Variants in KCND2 observed in about 807,000 individuals in gnomAD.
The protein encoded by KCND2 is A-type voltage-gated potassium channel KCND2.
In KCND2, 16 loss-of-function variants were observed where a neutral mutation model predicts 54.4. The observed-to-expected ratio is 0.29, with a 90% CI of 0.20 to 0.45. KCND2 has a LOEUF of 0.45. Among genes scored for constraint, KCND2 ranks in the 20% least tolerant of loss-of-function variants. KCND2 has a pLI of 1.00. For synonymous variants in KCND2, 317 were observed against 310.7 expected (o/e 1.02, Z -0.21); for missense variants, 486 against 824.2 (o/e 0.59, Z 5.02).
At chr7:120,440,956 A>T (rs1801937602) in intron 1 of KCND2, among the ~76,000 whole-genome samples, 1 of 152,078 alleles carries the variant, frequency 6.6e-6, no homozygotes, top group South Asian at 2.1e-4. Flanking sequence ...GTTGAACAGT[A>T]GTTAGGAACC....
chr7:120,340,676 C>G (rs776627817), intron 1 of KCND2, among the ~76,000 whole-genome samples: 1 of 152,142 alleles, frequency 6.6e-6, no homozygotes, highest in Non-Finnish European at 1.5e-5. Context: ...TTTGATTTGG[C>G]AATCCAGAGT....
chr7:120,425,246 G>A (rs529253856), intron 1 of KCND2, among the ~76,000 whole-genome samples: 4 of 152,194 alleles, frequency 2.6e-5, no homozygotes, highest in African/African-American at 7.2e-5. Flanking sequence ...TAGAAATGCA[G>A]CTTGCCAACT....
intron 1 of KCND2, among the ~76,000 whole-genome samples, chr7:120,594,187 G>T (rs933603954): frequency 2.0e-5 from 3 of 152,130 alleles, no homozygotes; most frequent in Non-Finnish European, 4.4e-5. Flanking sequence ...CAAATATAAA[G>T]TTTTAAGAGT....
At chr7:120,388,175 A>G (rs1419640496) in intron 1 of KCND2, among the ~76,000 whole-genome samples, 1 of 152,062 alleles carries the variant, frequency 6.6e-6, no homozygotes, top group Non-Finnish European at 1.5e-5. Context: ...TTATGATAGT[A>G]TAGAAATTAA....
chr7:120,457,418 T>C (rs2116230900), intron 1 of KCND2, among the ~76,000 whole-genome samples: 1 of 152,348 alleles, frequency 6.6e-6, no homozygotes, highest in South Asian at 2.1e-4. Context: ...AGAAATTCCT[T>C]CTGCCAGATA....
intron 1 of KCND2, among the ~76,000 whole-genome samples, chr7:120,729,402 T>C (rs1792777265): frequency 6.6e-6 from 1 of 151,954 alleles, no homozygotes; most frequent in Non-Finnish European, 1.5e-5. Context: ...GGGAGAAGGA[T>C]AGAAAGAGTA....
At chr7:120,379,210 T>C (rs115051029) in intron 1 of KCND2, among the ~76,000 whole-genome samples, 222 of 152,060 alleles carry the variant, frequency 1.5e-3, no homozygotes, top group African/African-American at 5.0e-3. Context: ...TTAAGGTGAG[T>C]TTGAAAATCC....
intron 1 of KCND2, among the ~76,000 whole-genome samples, chr7:120,600,878 T>G (rs576188782): frequency 7.0e-4 from 107 of 152,236 alleles, no homozygotes; most frequent in Non-Finnish European, 6.9e-4. Flanking sequence ...AATGGTCATG[T>G]ATAATTTTTT....
At chr7:120,720,770 C>G (rs1456841378) in intron 1 of KCND2, among the ~76,000 whole-genome samples, 1 of 152,172 alleles carries the variant, frequency 6.6e-6, no homozygotes, top group Non-Finnish European at 1.5e-5. Flanking sequence ...CCTGCTGTTG[C>G]TAATTCCTGG....
intron 1 of KCND2, among the ~76,000 whole-genome samples, chr7:120,318,824 G>A (rs1799852077): frequency 6.6e-6 from 1 of 152,002 alleles, no homozygotes; most frequent in African/African-American, 2.4e-5. Context: ...TGTTTGTACT[G>A]ATCTTTGGAA....
chr7:120,600,622 G>C (rs993059779), intron 1 of KCND2, among the ~76,000 whole-genome samples: 4 of 151,972 alleles, frequency 2.6e-5, no homozygotes, highest in African/African-American at 9.7e-5. Context: ...AAAAGAAAAG[G>C]GACAAACAAT....
intron 1 of KCND2, among the ~76,000 whole-genome samples, chr7:120,399,833 C>T (rs1801219339): frequency 6.6e-6 from 1 of 151,814 alleles, no homozygotes; most frequent in African/African-American, 2.4e-5. Context: ...TCAAGCAATT[C>T]TCCTGCCTCA....
intron 1 of KCND2, among the ~76,000 whole-genome samples, chr7:120,691,937 C>T (rs566363426): frequency 6.6e-6 from 1 of 152,116 alleles, no homozygotes; most frequent in Non-Finnish European, 1.5e-5. Flanking sequence ...TCAAGGAGGA[C>T]CTTGTGGTCA....
intron 1 of KCND2, among the ~76,000 whole-genome samples, chr7:120,552,736 G>A (rs1484992637): frequency 1.3e-5 from 2 of 152,022 alleles, no homozygotes; most frequent in Non-Finnish European, 2.9e-5. Flanking sequence ...AGAAGGTCAG[G>A]GAGTCCTGCA....
At chr7:120,434,418 T>C (rs1801837509) in intron 1 of KCND2, among the ~76,000 whole-genome samples, 1 of 152,210 alleles carries the variant, frequency 6.6e-6, no homozygotes, top group Non-Finnish European at 1.5e-5. Flanking sequence ...GTGTACAGTT[T>C]TCTTAGATAC....
At chr7:120,398,021 A>G (rs1459345110) in intron 1 of KCND2, among the ~76,000 whole-genome samples, 4 of 132,386 alleles carry the variant, frequency 3.0e-5, no homozygotes, top group Non-Finnish European at 6.2e-5. Flanking sequence ...ATATATATAT[A>G]TATATATATA....
chr7:120,598,151 C>T (rs1214660911), intron 1 of KCND2, among the ~76,000 whole-genome samples: 1 of 151,184 alleles, frequency 6.6e-6, no homozygotes, highest in African/African-American at 2.4e-5. Flanking sequence ...TTCCACTGAA[C>T]AATTAAGTGG....
intron 1 of KCND2, among the ~76,000 whole-genome samples, chr7:120,411,656 A>G (rs1339574041): frequency 6.6e-6 from 1 of 152,012 alleles, no homozygotes; most frequent in Non-Finnish European, 1.5e-5. Context: ...CAGAAAGTAT[A>G]TGAAAATATA....
chr7:120,450,725 T>G (rs1802091119), intron 1 of KCND2, among the ~76,000 whole-genome samples: 1 of 152,066 alleles, frequency 6.6e-6, no homozygotes, highest in Non-Finnish European at 1.5e-5. Flanking sequence ...TTTAAAGGAG[T>G]AGGCTTTAGA....
Sources: allele counts gnomAD v4.1 joint callset (sites outside exome capture counted in the v4.1 genomes callset), GRCh38; gene constraint gnomAD v4.1.1; transcripts MANE v1.5; gene names NCBI Gene and HGNC (gene_info 2026-07-23, HGNC 2026-07-21).